CHRM2: variants seen among roughly 807,000 people sequenced by gnomAD.
CHRM2 encodes the protein muscarinic acetylcholine receptor M2.
A neutral mutation model predicts 25.0 loss-of-function variants in CHRM2; 8 were observed. That is an observed-to-expected ratio of 0.32 (90% confidence interval 0.19 to 0.58). The LOEUF is 0.58. CHRM2 is among the 20% of genes least tolerant of loss of function. The pLI, the probability that CHRM2 is intolerant of heterozygous loss-of-function variation, is 0.88. For synonymous variants in CHRM2, 202 were observed against 205.7 expected (o/e 0.98, Z 0.15); for missense variants, 440 against 567.1 (o/e 0.78, Z 2.28).
chr7:136,945,476 T>C (rs183684124), intron 2 of CHRM2, among the ~76,000 whole-genome samples: 5 of 152,292 alleles, frequency 3.3e-5, no homozygotes, highest in South Asian at 2.1e-4. Flanking sequence ...GCACCATTTA[T>C]TGAATAGGGC....
intron 2 of CHRM2, among the ~76,000 whole-genome samples, chr7:136,953,790 G>T (rs1437169989): frequency 2.0e-5 from 3 of 152,042 alleles, no homozygotes; most frequent in African/African-American, 7.2e-5. Context: ...AGGCAATGCA[G>T]CATCAGAAAG....
At chr7:136,955,965 G>A (rs993273718) in intron 2 of CHRM2, among the ~76,000 whole-genome samples, 3 of 151,908 alleles carry the variant, frequency 2.0e-5, no homozygotes, top group Admixed American at 2.0e-4. Flanking sequence ...TATTCTACTT[G>A]AATAAATGGT....
chr7:136,943,716 G>GCAGGATCATGTTTCAAATTGATA (rs6150366), intron 2 of CHRM2, among the ~76,000 whole-genome samples: 98,177 of 151,734 alleles, frequency 0.65, 32,356 homozygotes, highest in African/African-American at 0.71. Flanking sequence ...GTTTTTCAAG[G>GCAGGATCATGTTTCAAATTGATA]CAGTATCAAT....
intron 2 of CHRM2, among the ~76,000 whole-genome samples, chr7:136,963,529 T>C (rs1047458882): frequency 6.6e-6 from 1 of 152,202 alleles, no homozygotes; most frequent in Non-Finnish European, 1.5e-5. Context: ...TTCAGATGGT[T>C]TGTTTTCAAG....
At chr7:136,937,108 G>T (rs535519238) in intron 2 of CHRM2, among the ~76,000 whole-genome samples, 4 of 152,258 alleles carry the variant, frequency 2.6e-5, no homozygotes, top group Admixed American at 6.5e-5. Flanking sequence ...CAAAGACAGA[G>T]AATTTGACTG....
chr7:136,873,508 C>T (rs916291671), intron 2 of CHRM2, among the ~76,000 whole-genome samples: 1 of 152,134 alleles, frequency 6.6e-6, no homozygotes, highest in African/African-American at 2.4e-5. Context: ...AATCAATTTT[C>T]TCATTTTATC....
At chr7:136,979,770 A>C (rs577253974) in intron 2 of CHRM2, among the ~76,000 whole-genome samples, 1 of 152,200 alleles carries the variant, frequency 6.6e-6, no homozygotes, top group South Asian at 2.1e-4. Context: ...GTGTGGTGTT[A>C]TTTCTGAGGC....
intron 2 of CHRM2, among the ~76,000 whole-genome samples, chr7:136,893,563 C>T (rs1314444539): frequency 6.6e-6 from 1 of 152,120 alleles, no homozygotes; most frequent in Non-Finnish European, 1.5e-5. Flanking sequence ...TTCATTAAGA[C>T]GTTGTACCTC....
At chr7:136,904,198 T>C (rs907270697) in intron 2 of CHRM2, among the ~76,000 whole-genome samples, 14 of 152,044 alleles carry the variant, frequency 9.2e-5, no homozygotes, top group African/African-American at 3.1e-4. Flanking sequence ...TTCATCCTTA[T>C]ACTGTTGAAA....
At chr7:136,907,441 G>C (rs1797616728) in intron 2 of CHRM2, among the ~76,000 whole-genome samples, 1 of 151,926 alleles carries the variant, frequency 6.6e-6, no homozygotes, top group Admixed American at 6.6e-5. Flanking sequence ...ATGGATGTTT[G>C]TGAGAAATAG....
At chr7:136,978,728 G>A (rs546712994) in intron 2 of CHRM2, among the ~76,000 whole-genome samples, 7 of 152,210 alleles carry the variant, frequency 4.6e-5, no homozygotes, top group African/African-American at 1.7e-4. Context: ...GTGTTAGTTT[G>A]CTGAGAATGA....
At chr7:136,957,823 A>C (rs1347204557) in intron 2 of CHRM2, among the ~76,000 whole-genome samples, 5 of 152,268 alleles carry the variant, frequency 3.3e-5, no homozygotes, top group Admixed American at 2.6e-4. Context: ...AGAATAAAAC[A>C]TAAAACTTTT....
chr7:137,015,034 G>A lies in CHRM2; in HGVS notation c.169G>A (p.Val57Ile), dbSNP rs143842239. 3.5e-5 allele frequency: 57 copies of A among 1,613,302 alleles called. No homozygotes were observed. Among genetic ancestry groups the A allele is most frequent in the South Asian group, 1.8e-4 (16 of 91,078 alleles). ...SIKVNRHLQTVNNYFLFSLAC... is the reference protein window; with the variant it reads ...SIKVNRHLQTINNYFLFSLAC... ...TAAAGTCAACCGCCACCTCCAGACC[G>A]TCAACAATTACTTTTTATTCAGCTT... Residue 57 changes from valine (V) to isoleucine (I), a missense_variant, in exon 4 of 4, where the codon GTC (valine) becomes ATC (isoleucine). Around this residue, in one of 5 missense-constraint regions of CHRM2, gnomAD observed 86 missense variants for 124.9 expected, o/e 0.69. Transcript: ENST00000680005. The surrounding 1 kb of genome is among the most constrained non-coding windows in gnomAD (Gnocchi z 5.1).
intron 2 of CHRM2, among the ~76,000 whole-genome samples, chr7:136,975,045 C>T (rs1297243277): frequency 1.3e-5 from 2 of 152,150 alleles, no homozygotes; most frequent in Admixed American, 6.5e-5. Context: ...TACCACATGG[C>T]ATGGAACAGT....
chr7:136,966,184 A>T lies in CHRM2; in HGVS notation c.-124-26003A>T, dbSNP rs996694067. 5.4e-3 allele frequency among the ~76,000 whole-genome samples: 812 copies of T among 149,274 alleles called. 5 individuals carry two copies. Among genetic ancestry groups the T allele is most frequent in the Non-Finnish European group, 9.1e-3 (610 of 66,950 alleles). On this transcript the variant is annotated intron_variant, in intron 2 of 3. Coordinates refer to ENST00000680005, the MANE Select transcript of CHRM2 (RefSeq NM_001006630.2). ...GCTCCTAAATGTTTGTCTTCTGCAA[A>T]TTTTTTTTTTTAATTAGTGAGTTTA...
chr7:136,965,057 G>A (rs935743447), intron 2 of CHRM2, among the ~76,000 whole-genome samples: 1 of 152,076 alleles, frequency 6.6e-6, no homozygotes, highest in African/African-American at 2.4e-5. Context: ...AAATTTCTAT[G>A]TCAAGAATTA....
chr7:136,875,104 T>C (rs1795999099), intron 2 of CHRM2, among the ~76,000 whole-genome samples: 1 of 149,616 alleles, frequency 6.7e-6, no homozygotes, highest in African/African-American at 2.5e-5. Flanking sequence ...TACACATATA[T>C]ACATATATAC....
At chr7:136,987,534 C>T (rs1247184277) in intron 2 of CHRM2, among the ~76,000 whole-genome samples, 3 of 152,194 alleles carry the variant, frequency 2.0e-5, no homozygotes, top group Non-Finnish European at 4.4e-5. Context: ...ATTGTACACC[C>T]AGTGTTTACT....
intron 3 of CHRM2, among the ~76,000 whole-genome samples, chr7:136,996,352 AAC>A (rs1319565502): frequency 6.6e-6 from 1 of 152,102 alleles, no homozygotes; most frequent in Non-Finnish European, 1.5e-5. Context: ...TCAATTGTCA[AAC>A]ACATGAACAG....
Sources: gnomAD v4.1 joint callset for allele counts (sites outside exome capture counted in the v4.1 genomes callset) on GRCh38, gnomAD v4.1.1 for gene constraint, gnomAD v4.1.1 regional missense constraint, Gnocchi (gnomAD v3.1) non-coding constraint, MANE v1.5 for transcripts, NCBI Gene and HGNC (gene_info 2026-07-23, HGNC 2026-07-21) for gene names.